The following PAPPA variants were observed in gnomAD, a reference collection of about 807,000 sequenced individuals.
The protein encoded by PAPPA is pappalysin-1.
Under a neutral mutation model 164.0 loss-of-function variants are expected in PAPPA, and 60 were observed. The ratio of observed to expected loss-of-function variants is 0.37; its 90% CI spans 0.30 to 0.45. PAPPA has a LOEUF of 0.45. Among genes scored for constraint, PAPPA ranks in the 20% least tolerant of loss-of-function variants. PAPPA has a pLI of 1.00. For missense variants in PAPPA, 1,782 were observed against 2,087.3 expected (o/e 0.85, Z 2.85); for synonymous variants, 875 against 814.1 (o/e 1.07, Z -1.27).
intron 5 of PAPPA, 131 bp from the exon 6 acceptor site, chr9:116,227,300 T>A (rs1055452615): frequency 6.5e-6 from 6 of 927,996 alleles, no homozygotes; most frequent in African/African-American, 1.6e-5. Context: ...AGCCTTGGCA[T>A]ATGTAGGCAG....
intron 2 of PAPPA, among the ~76,000 whole-genome samples, chr9:116,206,879 A>G (rs548568158): frequency 6.6e-6 from 1 of 152,140 alleles, no homozygotes; most frequent in African/African-American, 2.4e-5. Flanking sequence ...AAAATTGCCA[A>G]TGGGATAATG....
intron 1 of PAPPA, among the ~76,000 whole-genome samples, chr9:116,180,683 C>G (rs1564175482): frequency 6.6e-6 from 1 of 152,012 alleles, no homozygotes; most frequent in Non-Finnish European, 1.5e-5. Context: ...TATCTCCACC[C>G]CGCCGCCCCC....
At chr9:116,376,180 C>T (rs1221588744) in intron 19 of PAPPA, among the ~76,000 whole-genome samples, 1 of 152,008 alleles carries the variant, frequency 6.6e-6, no homozygotes, top group Non-Finnish European at 1.5e-5. Context: ...GCCACCACAC[C>T]CAGCTAATTT....
In PAPPA at chr9:116,156,334, G is replaced by GTGTATATATATATATGTGTA. The variant is rs1554730866; in HGVS notation, c.415+1748_415+1749insGTATATATATATATGTGTAT. On this transcript the variant is annotated intron_variant, in intron 1 of 21. Coordinates refer to ENST00000328252, the MANE Select transcript of PAPPA (RefSeq NM_002581.5). ...TATATATGTGTGTATATATATATGT[G>GTGTATATATATATATGTGTA]TATATATATATATGTATATATATAT... 2.1e-5 allele frequency among the ~76,000 whole-genome samples: 3 copies of GTGTATATATATATATGTGTA among 139,590 alleles called. No homozygotes were observed. The East Asian group carries it at 6.1e-4, about 28-fold the overall frequency. 91.6% of individuals were successfully genotyped at this position (139,590 alleles called of 152,430 possible). A position where few individuals can be genotyped will look rare whatever the true frequency, so the allele number is the denominator to read the frequency against.
chr9:116,329,486 C>T (rs1272184296), intron 10 of PAPPA, among the ~76,000 whole-genome samples: 1 of 152,124 alleles, frequency 6.6e-6, no homozygotes, highest in Non-Finnish European at 1.5e-5. Context: ...AGAAAAATAA[C>T]ACACCACAAA....
intron 1 of PAPPA, among the ~76,000 whole-genome samples, chr9:116,166,735 T>G (rs779543252): frequency 6.6e-6 from 1 of 152,194 alleles, no homozygotes; most frequent in Non-Finnish European, 1.5e-5. Flanking sequence ...CATGACTCCC[T>G]GAAGTACCAA....
At chr9:116,190,342 C>T (rs1184878056) in intron 2 of PAPPA, among the ~76,000 whole-genome samples, 1 of 152,212 alleles carries the variant, frequency 6.6e-6, no homozygotes, top group African/African-American at 2.4e-5. Context: ...CATTCATTCA[C>T]TCATTCATTC....
chr9:116,287,397 C>T (rs887340076), intron 9 of PAPPA: 3 of 152,150 alleles, frequency 2.0e-5, no homozygotes, highest in Non-Finnish European at 4.4e-5. Flanking sequence ...CAAATGGGGA[C>T]TAGTCACAGA....
intron 21 of PAPPA, among the ~76,000 whole-genome samples, chr9:116,385,848 T>A (rs1846803820): frequency 6.6e-6 from 1 of 152,220 alleles, no homozygotes; most frequent in Non-Finnish European, 1.5e-5. Context: ...TTTCTGCCCT[T>A]GTGAAACGTG....
At chr9:116,367,596 T>A (rs781122100) in intron 18 of PAPPA, 49 bp from the exon 19 acceptor site, 29 of 1,382,912 alleles carry the variant, frequency 2.1e-5, no homozygotes, top group Non-Finnish European at 3.0e-5. Context: ...AGTTTGCAGA[T>A]GTTGAGGGTC....
In PAPPA at chr9:116,314,992, T is replaced by C. The variant is rs1845770532; in HGVS notation, c.3147+12042T>C. 3.9e-5 allele frequency among the ~76,000 whole-genome samples: 6 copies of C among 152,246 alleles called. No homozygotes were observed. In the South Asian group the frequency reaches 1.2e-3, roughly 32 times the overall value. On this transcript the variant is annotated intron_variant, in intron 10 of 21. Coordinates refer to ENST00000328252, the MANE Select transcript of PAPPA (RefSeq NM_002581.5). ...CCCTCATCTTATGCCTTTAGGTATTTCCTGTGCCCAGCACAGGACCTGCTG... is the reference window on the plus strand; with the variant it reads ...CCCTCATCTTATGCCTTTAGGTATTCCCTGTGCCCAGCACAGGACCTGCTG...
chr9:116,201,582 C>T (rs1461190797), intron 2 of PAPPA, among the ~76,000 whole-genome samples: 3 of 152,158 alleles, frequency 2.0e-5, no homozygotes, highest in Non-Finnish European at 4.4e-5. Context: ...TTCTGCATCT[C>T]GAGGGTTTTT....
chr9:116,391,530 G>A (rs115188030), intron 21 of PAPPA, among the ~76,000 whole-genome samples: 2,100 of 152,292 alleles, frequency 0.014, 63 homozygotes, highest in African/African-American at 0.048. Context: ...ATGTCTCTCA[G>A]CTCTGGACAG....
intron 2 of PAPPA, among the ~76,000 whole-genome samples, chr9:116,203,693 C>T (rs1354523345): frequency 6.6e-6 from 1 of 152,202 alleles, no homozygotes; most frequent in Non-Finnish European, 1.5e-5. Context: ...ACCCGTGTTG[C>T]CTCTAATCCT....
intron 10 of PAPPA, among the ~76,000 whole-genome samples, chr9:116,307,267 C>A (rs1410536919): frequency 6.6e-6 from 1 of 152,140 alleles, no homozygotes; most frequent in Non-Finnish European, 1.5e-5. Context: ...TTGCTATTAT[C>A]ATTCCTTGGC....
At position 116,220,059 on chromosome 9, in the gene PAPPA, G is replaced by A. The variant is rs201861823; in HGVS notation, c.2041G>A (p.Val681Ile). 434 of 1,614,142 alleles carry A rather than the reference G, an allele frequency of 2.7e-4. 1 individual carries two copies. Among genetic ancestry groups the A allele is most frequent in the Non-Finnish European group, 3.4e-4 (397 of 1,180,034 alleles). ...AGCGCCTGTTGCCCTCGCCCCCCAA[G>A]TTCTGGGCCACACAACGGACTCTGT... ...KPAPVALAPQ[V>I]LGHTTDSVTL... Residue 681 changes from valine (V) to isoleucine (I), a missense_variant, in exon 5 of 22, where the codon GTT becomes ATT. Val to Ile is a conservative substitution (Grantham distance 29). Coordinates refer to ENST00000328252, the MANE Select transcript of PAPPA (RefSeq NM_002581.5).
chr9:116,227,821 A>T (rs1844533724), intron 6 of PAPPA, among the ~76,000 whole-genome samples: 1 of 152,200 alleles, frequency 6.6e-6, no homozygotes, highest in Non-Finnish European at 1.5e-5. Flanking sequence ...CACACACCTG[A>T]TACAAACACA....
chr9:116,230,957 T>C (rs1844583680), intron 6 of PAPPA, among the ~76,000 whole-genome samples: 1 of 152,132 alleles, frequency 6.6e-6, no homozygotes, highest in Non-Finnish European at 1.5e-5. Flanking sequence ...TTATTTTTTC[T>C]CATTTGTGTG....
intron 10 of PAPPA, among the ~76,000 whole-genome samples, chr9:116,326,307 A>G (rs1227586916): frequency 6.6e-6 from 1 of 152,152 alleles, no homozygotes; most frequent in Non-Finnish European, 1.5e-5. Context: ...ACATTAATAA[A>G]TGTAATTATT....
Sources: gnomAD v4.1 joint callset for allele counts (sites outside exome capture counted in the v4.1 genomes callset) on GRCh38, gnomAD v4.1.1 for gene constraint, MANE v1.5 for transcripts, NCBI Gene and HGNC (gene_info 2026-07-23, HGNC 2026-07-21) for gene names.